Variants in SNTG1 observed in about 807,000 individuals in gnomAD.
The protein encoded by SNTG1 is gamma-1-syntrophin.
A neutral mutation model predicts 74.7 loss-of-function variants in SNTG1; 39 were observed. The observed-to-expected ratio is 0.52, with a 90% CI of 0.40 to 0.68. The LOEUF (loss-of-function observed/expected upper bound fraction) is 0.68, where lower values mean the gene tolerates loss of function less well. Among genes scored for constraint, SNTG1 ranks in the 30% least tolerant of loss-of-function variants. The probability of loss-of-function intolerance (pLI) is 0.00; values close to 1 mark genes in which losing one functional copy is unlikely to be tolerated. For missense variants in SNTG1, 685 were observed against 609.5 expected, an observed-to-expected ratio of 1.12 and a Z score of -1.30; for synonymous variants, 254 against 217.1, an observed-to-expected ratio of 1.17 and a Z score of -1.49.
chr8:50,256,272 C>G (rs890164552), intron 2 of SNTG1, among the ~76,000 whole-genome samples: 2 of 151,816 alleles, frequency 1.3e-5, no homozygotes, highest in Non-Finnish European at 2.9e-5. Flanking sequence ...TACCACATAG[C>G]AGGTACTATA....
intron 2 of SNTG1, among the ~76,000 whole-genome samples, chr8:50,199,960 G>A (rs922775204): frequency 1.3e-5 from 2 of 152,024 alleles, no homozygotes; most frequent in Non-Finnish European, 2.9e-5. Flanking sequence ...AGGATGATAG[G>A]CAAGGAGTGC....
intron 1 of SNTG1, among the ~76,000 whole-genome samples, chr8:49,940,657 C>G (rs904348621): frequency 6.6e-6 from 1 of 152,088 alleles, no homozygotes; most frequent in Non-Finnish European, 1.5e-5. Context: ...TTATTGAGGA[C>G]CTAACATGTG....
chr8:49,969,517 C>T (rs1811463945), intron 1 of SNTG1, among the ~76,000 whole-genome samples: 1 of 151,418 alleles, frequency 6.6e-6, no homozygotes, highest in Non-Finnish European at 1.5e-5. Flanking sequence ...CTGCCTCAGC[C>T]TCCCAAGTAA....
At chr8:50,748,394 G>A (rs2095559898) in intron 17 of SNTG1, among the ~76,000 whole-genome samples, 1 of 152,016 alleles carries the variant, frequency 6.6e-6, no homozygotes, top group Admixed American at 6.6e-5. Flanking sequence ...TCTGCTTAAA[G>A]AGGCTAAGAC....
intron 2 of SNTG1, among the ~76,000 whole-genome samples, chr8:50,233,383 T>C (rs2085730890): frequency 6.6e-6 from 1 of 151,672 alleles, no homozygotes; most frequent in South Asian, 2.1e-4. Flanking sequence ...TGATTTAAAC[T>C]TCACTCCTCA....
At chr8:50,356,793 C>G (rs527514717) in intron 2 of SNTG1, among the ~76,000 whole-genome samples, 1 of 152,220 alleles carries the variant, frequency 6.6e-6, no homozygotes, top group East Asian at 1.9e-4. Context: ...CAGAGGGTAC[C>G]CATTCAAACC....
At chr8:50,361,314 T>A (rs2091949975) in intron 2 of SNTG1, among the ~76,000 whole-genome samples, 1 of 152,168 alleles carries the variant, frequency 6.6e-6, no homozygotes, top group Non-Finnish European at 1.5e-5. Flanking sequence ...TAATGATGCC[T>A]TCTTCTGAAT....
At chr8:50,704,835 AGT>A in intron 16 of SNTG1, 83 bp downstream of exon 16, 1 of 1,479,150 alleles carries the variant, frequency 6.8e-7, no homozygotes, top group Non-Finnish European at 9.2e-7. Flanking sequence ...ATTCCAAAGT[AGT>A]GTAAAAATAC....
chr8:50,262,839 GA>G, intron 2 of SNTG1, among the ~76,000 whole-genome samples: 1 of 151,998 alleles, frequency 6.6e-6, no homozygotes, highest in Non-Finnish European at 1.5e-5. Context: ...AAGAAAACTG[GA>G]AAAACAACAT....
At chr8:50,290,133 G>A (rs1417685632) in intron 2 of SNTG1, among the ~76,000 whole-genome samples, 1 of 152,122 alleles carries the variant, frequency 6.6e-6, no homozygotes, top group Admixed American at 6.6e-5. Flanking sequence ...ATCCCACACA[G>A]GGCTGGGGTC....
At chr8:49,978,972 AT>A (rs1339716886) in intron 1 of SNTG1, among the ~76,000 whole-genome samples, 6 of 152,238 alleles carry the variant, frequency 3.9e-5, no homozygotes, top group African/African-American at 1.4e-4. Context: ...AATAAAGGTA[AT>A]CTTCTTCCAC....
chr8:50,272,776 G>A (rs144241069), intron 2 of SNTG1, among the ~76,000 whole-genome samples: 21 of 151,902 alleles, frequency 1.4e-4, no homozygotes, highest in South Asian at 6.3e-4. Context: ...TTTCTCTGTT[G>A]CCCAGGCTGG....
At chr8:50,351,257 G>T (rs2091651739) in intron 2 of SNTG1, among the ~76,000 whole-genome samples, 1 of 152,162 alleles carries the variant, frequency 6.6e-6, no homozygotes, top group Non-Finnish European at 1.5e-5. Flanking sequence ...GAGTTTCAGT[G>T]CAAAACTGGC....
At position 49,944,996 on chromosome 8, in the gene SNTG1, G is replaced by T. The variant is rs892766561; in HGVS notation, c.-103+32765G>T. Among the ~76,000 whole-genome samples the T allele has an allele frequency of 3.3e-5, 5 of 152,132 alleles. No homozygotes were observed. The East Asian group carries it at 5.8e-4, about 18-fold the overall frequency. Reference sequence around the variant, plus strand: ...GTAGAGACCAGGTTTCACCAGTTGGGCAGGCTATATATTCTTACTTCTTTA... The same window carrying T: ...GTAGAGACCAGGTTTCACCAGTTGGTCAGGCTATATATTCTTACTTCTTTA... On this transcript the variant is annotated intron_variant, in intron 1 of 18. Coordinates refer to ENST00000642720, the MANE Select transcript of SNTG1 (RefSeq NM_018967.5).
chr8:50,234,366 T>C (rs1323371333), intron 2 of SNTG1, among the ~76,000 whole-genome samples: 3 of 151,896 alleles, frequency 2.0e-5, no homozygotes. Context: ...ATTAGTGGAT[T>C]GCGTGGGTTA....
chr8:50,183,034 G>A (rs1192635690), intron 2 of SNTG1, among the ~76,000 whole-genome samples: 1 of 151,962 alleles, frequency 6.6e-6, no homozygotes, highest in African/African-American at 2.4e-5. Flanking sequence ...ATCCTCTCAC[G>A]GTTTGCCCCA....
chr8:50,702,709 G>A (rs1416597417), intron 15 of SNTG1, among the ~76,000 whole-genome samples: 1 of 152,130 alleles, frequency 6.6e-6, no homozygotes, highest in Non-Finnish European at 1.5e-5. Context: ...TCAGTTAGAT[G>A]GTTCCACTGT....
Position 50,089,849 on chromosome 8 carries a change from C to T in SNTG1, c.-102-82712C>T, listed in dbSNP as rs541266526. Among the ~76,000 whole-genome samples the T allele has an allele frequency of 8.9e-3, 1,352 of 152,146 alleles. 6 individuals carry two copies. The highest frequency in any genetic ancestry group is 0.017 in the South Asian group (83 of 4,812). On this transcript the variant is annotated intron_variant, in intron 1 of 18. Coordinates refer to ENST00000642720, the MANE Select transcript of SNTG1 (RefSeq NM_018967.5). ...TCAACCATTGTGGAAGTCAGTGTGG[C>T]GATTCCTCAGGGATCTAGAACTAGA...
At chr8:50,350,266 G>A (rs988047845) in intron 2 of SNTG1, among the ~76,000 whole-genome samples, 1 of 152,096 alleles carries the variant, frequency 6.6e-6, no homozygotes, top group Non-Finnish European at 1.5e-5. Flanking sequence ...CTCCACCGGA[G>A]CCCAGTCCCA....
Sources: gnomAD v4.1 joint callset for allele counts (sites outside exome capture counted in the v4.1 genomes callset) on GRCh38, gnomAD v4.1.1 for gene constraint, MANE v1.5 for transcripts, NCBI Gene and HGNC (gene_info 2026-07-23, HGNC 2026-07-21) for gene names.